The following FGF16 variants were observed in gnomAD, a reference collection of about 807,000 sequenced individuals.
FGF16 encodes fibroblast growth factor 16.
FGF16 carries 2 observed loss-of-function variants against 8.5 expected under a neutral mutation model. The ratio of observed to expected loss-of-function variants is 0.24; its 90% CI spans 0.10 to 0.75. The LOEUF (loss-of-function observed/expected upper bound fraction) is 0.75, where lower values mean the gene tolerates loss of function less well. Ranked by LOEUF, FGF16 falls within the 30% of genes least tolerant of loss-of-function variation. The probability of loss-of-function intolerance (pLI) is 0.74; values close to 1 mark genes in which losing one functional copy is unlikely to be tolerated. For synonymous variants in FGF16, 33 were observed against 34.6 expected, an observed-to-expected ratio of 0.95 and a Z score of 0.16; for missense variants, 79 against 87.4, an observed-to-expected ratio of 0.90 and a Z score of 0.38.
At position 77,454,021 on chromosome X, in the gene FGF16, T is replaced by C. The variant is rs183665553; in HGVS notation, c.275-136T>C. 3.9e-5 allele frequency: 19 copies of C among 488,758 alleles called. No homozygotes were observed. In the East Asian group the frequency reaches 7.4e-4, roughly 19 times the overall value. 40.3% of individuals were successfully genotyped at this position (488,758 alleles called of 1,213,427 possible). ...GTTCCATTCTTGCCGCAAAAGATGG[T>C]TTCATCAGGCATTTTATCAAAGGCA... On this transcript the variant is annotated intron_variant, in intron 1 of 2. Transcript: ENST00000439435.
chrX:77,448,299 C>A (rs1183136509), intron 1 of FGF16, among the ~76,000 whole-genome samples: 1 of 112,699 alleles, frequency 8.9e-6, no homozygotes, highest in East Asian at 2.8e-4. Flanking sequence ...AGGCCGGGAC[C>A]GTGGCTGCAG....
At chrX:77,448,934 T>G (rs781999812) in intron 1 of FGF16, among the ~76,000 whole-genome samples, 9 of 111,110 alleles carry the variant, frequency 8.1e-5, no homozygotes, top group Non-Finnish European at 1.3e-4. Flanking sequence ...GTCCTCTGCT[T>G]CCTCCCAAGG....
chrX:77,452,103 T>G (rs1412915901), intron 1 of FGF16, among the ~76,000 whole-genome samples: 1 of 111,721 alleles, frequency 9.0e-6, no homozygotes, highest in African/African-American at 3.3e-5. Context: ...ACAAAACACT[T>G]TGGTAAATTT....
chrX:77,452,215 G>A (rs1205401977), intron 1 of FGF16, among the ~76,000 whole-genome samples: 1 of 112,327 alleles, frequency 8.9e-6, no homozygotes, highest in Non-Finnish European at 1.9e-5. Context: ...GATATTGATT[G>A]TGTCATCCCT....
At position 77,456,711 on chromosome X, in the gene FGF16, G is replaced by A; in HGVS notation, c.*189G>A. On this transcript the variant is annotated 3_prime_UTR_variant, in exon 3 of 3. Transcript: ENST00000439435. ...TATATCAAGGTTGGGTTATTTTGGGGAGGGATGGGGGGCTGGGCTCGAGGG... is the reference window on the plus strand; with the variant it reads ...TATATCAAGGTTGGGTTATTTTGGGAAGGGATGGGGGGCTGGGCTCGAGGG... 1 of 415,320 alleles carries A rather than the reference G, an allele frequency of 2.4e-6. No individual in the cohort carries two copies. The highest frequency in any genetic ancestry group is 4.1e-6 in the Non-Finnish European group (1 of 244,342). 34.2% of individuals were successfully genotyped at this position (415,320 alleles called of 1,213,427 possible).
chrX:77,453,097 A>G (rs189747544), intron 1 of FGF16, among the ~76,000 whole-genome samples: 1 of 111,507 alleles, frequency 9.0e-6, no homozygotes, highest in East Asian at 2.8e-4. Flanking sequence ...ACAAACAAAA[A>G]AACAGAATTG....
In FGF16 at chrX:77,454,241, G is replaced by C; in HGVS notation, c.359G>C (p.Arg120Pro). Residue 120 changes from arginine to proline, a missense_variant, in exon 2 of 3, where the codon CGA becomes CCA. Transcript: ENST00000439435. The part of the protein sequence containing the change: ...DSGLYLGMNE[R>P]GELYGSKKLT... ...GGCCTGTACCTAGGAATGAATGAGC[G>C]AGGAGAACTCTATGGGTCGGTAAGT... is the stretch of plus-strand genomic sequence containing the variant. The C allele has an allele frequency of 2.0e-6, 2 of 1,016,341 alleles. No homozygotes were observed. The highest frequency in any genetic ancestry group is 2.0e-5 in the South Asian group (1 of 49,959). 83.8% of individuals were successfully genotyped at this position (1,016,341 alleles called of 1,213,427 possible). A position where few individuals can be genotyped will look rare whatever the true frequency, so the allele number is the denominator to read the frequency against.
intron 1 of FGF16, 82 bp from the exon 2 acceptor site, chrX:77,454,075 A>G (rs1341684863): frequency 3.1e-6 from 2 of 641,141 alleles, no homozygotes; most frequent in East Asian, 3.6e-5. Context: ...TTGGGGACAA[A>G]TGACTGGTAG....
At chrX:77,453,466 C>T (rs974016840) in intron 1 of FGF16, among the ~76,000 whole-genome samples, 8 of 112,132 alleles carry the variant, frequency 7.1e-5, no homozygotes, top group Non-Finnish European at 1.9e-5. Context: ...AGTCCAATAC[C>T]ACCTGCCAAC....
rs2062574448 is a variant in FGF16 at position 77,456,961 on chromosome X, G to A, written c.*439G>A. ...CCTTGGGGCTACAGCCTTGCTGCAA[G>A]CCTTCCCTGCATTGGCTCTGCAGAT... is the stretch of plus-strand genomic sequence containing the variant. On this transcript the variant is annotated 3_prime_UTR_variant, in exon 3 of 3. Transcript: ENST00000439435. The A allele has an allele frequency of 8.5e-6, 1 of 116,988 alleles. No individual in the cohort carries two copies. The highest frequency in any genetic ancestry group is 3.2e-5 in the African/African-American group (1 of 30,780). The allele number at this position is 116,988 out of a possible 1,213,427, so 9.6% of individuals were successfully genotyped here. A position where few individuals can be genotyped will look rare whatever the true frequency, so the allele number is the denominator to read the frequency against.
chrX:77,450,429 C>G (rs910447825), intron 1 of FGF16, among the ~76,000 whole-genome samples: 1 of 112,310 alleles, frequency 8.9e-6, no homozygotes, highest in African/African-American at 3.2e-5. Context: ...TTTCAATCAC[C>G]GCCTGGCTGG....
chrX:77,454,040 A>T, intron 1 of FGF16, 117 bp from the exon 2 acceptor site: 1 of 516,683 alleles, frequency 1.9e-6, no homozygotes, highest in Non-Finnish European at 3.3e-6. Context: ...GCATTTTATC[A>T]AAGGCACACA....
chrX:77,455,494 C>G (rs996383802), intron 2 of FGF16, among the ~76,000 whole-genome samples: 3 of 111,854 alleles, frequency 2.7e-5, no homozygotes, highest in Non-Finnish European at 5.6e-5. Flanking sequence ...GGAAGCTAGC[C>G]TAGCACTGAG....
At position 77,456,409 on chromosome X, in the gene FGF16, C is replaced by A. The variant is rs373080668; in HGVS notation, c.511C>A (p.Pro171Thr). ...CGTGGCCCTGAACAAAGATGGCTCA[C>A]CCCGGGAGGGATACAGGACTAAACG... ...YYVALNKDGS[P>T]REGYRTKRHQ... Residue 171 changes from proline (P) to threonine (T), a missense_variant, in exon 3 of 3, where the codon CCC (proline) becomes ACC (threonine). Coordinates refer to ENST00000439435, the MANE Select transcript of FGF16 (RefSeq NM_003868.3). The A allele has an allele frequency of 2.5e-6, 3 of 1,208,326 alleles. 1 individual carries two copies. The highest frequency in any genetic ancestry group is 3.5e-5 in the South Asian group (2 of 56,730).
chrX:77,454,273 T>G lies in FGF16; in HGVS notation c.378+13T>G, dbSNP rs782104984. 6.4e-5 allele frequency: 12 copies of G among 186,788 alleles called. No homozygotes were observed. Among genetic ancestry groups the G allele is most frequent in the African/African-American group, 2.4e-4 (3 of 12,309 alleles). The allele number at this position is 186,788 out of a possible 1,213,427, so 15.4% of individuals were successfully genotyped here. On this transcript the variant is annotated intron_variant, in intron 2 of 2. Transcript: ENST00000439435. ...ACTCTATGGGTCGGTAAGTTTAAGG[T>G]TTTTTTTTTTTTTTTTTTTTTTTTT...
At position 77,456,390 on chromosome X, in the gene FGF16, C is replaced by T. The variant is rs2062572290; in HGVS notation, c.492C>T (p.Ala164=). Residue 164 remains alanine (A), a synonymous_variant, in exon 3 of 3, where the codon GCC becomes GCT. Transcript: ENST00000439435. ...HSDSERQYYV[A]LNKDGSPREG... Reference sequence around the variant, plus strand: ...ACTCAGAGAGACAGTATTACGTGGCCCTGAACAAAGATGGCTCACCCCGGG... The same window carrying T: ...ACTCAGAGAGACAGTATTACGTGGCTCTGAACAAAGATGGCTCACCCCGGG... 1.7e-6 allele frequency: 2 copies of T among 1,210,707 alleles called. No individual in the cohort carries two copies. Among genetic ancestry groups the T allele is most frequent in the East Asian group, 3.0e-5 (1 of 33,807 alleles).
At chrX:77,449,234 G>C (rs1029984312) in intron 1 of FGF16, among the ~76,000 whole-genome samples, 1 of 111,559 alleles carries the variant, frequency 9.0e-6, no homozygotes, top group African/African-American at 3.3e-5. Flanking sequence ...CCCTAATGAG[G>C]TCTATGGTAT....
At position 77,456,224 on chromosome X, in the gene FGF16, G is replaced by T. The variant is rs1000962545; in HGVS notation, c.379-53G>T. On this transcript the variant is annotated intron_variant, in intron 2 of 2. Coordinates refer to ENST00000439435, the MANE Select transcript of FGF16 (RefSeq NM_003868.3). ...CAGGGTTTCTCTACTAGCAAGCTGG[G>T]ATAGGAGAAATAGTCATATAATGGG... 31 of 1,151,035 alleles carry T rather than the reference G, an allele frequency of 2.7e-5. No individual in the cohort carries two copies. The African/African-American group carries it at 5.0e-4, about 19-fold the overall frequency. The allele number at this position is 1,151,035 out of a possible 1,213,427, so 94.9% of individuals were successfully genotyped here.
rs782565867 is a variant in FGF16 at position 77,456,513 on chromosome X, C to T, written c.615C>T (p.His205=). 13 of 1,208,270 alleles carry T rather than the reference C, an allele frequency of 1.1e-5. No individual in the cohort carries two copies. Among genetic ancestry groups the T allele is most frequent in the Admixed American group, 6.6e-5 (3 of 45,714 alleles). ...CCTCCATGTCCAGAGACCTCTTTCA[C>T]TATAGGTAATGAACCTCTGGTGTGC... ...KLPSMSRDLF[H]YR The change falls in exon 3 of 3, where the codon CAC becomes CAT. Residue 205 remains histidine (H), a synonymous_variant. Transcript: ENST00000439435.
Sources: gnomAD v4.1 joint callset for allele counts (sites outside exome capture counted in the v4.1 genomes callset) on GRCh38, gnomAD v4.1.1 for gene constraint, MANE v1.5 for transcripts, NCBI Gene and HGNC (gene_info 2026-07-23, HGNC 2026-07-21) for gene names.